TRMT44: variants seen among roughly 807,000 people sequenced by gnomAD.
TRMT44 encodes the protein probable tRNA (uracil-O(2)-)-methyltransferase.
A neutral mutation model predicts 77.3 loss-of-function variants in TRMT44; 78 were observed. The observed-to-expected ratio is 1.01, with a 90% CI of 0.84 to 1.22. The LOEUF is 1.22. Among genes scored for constraint, TRMT44 ranks in the 50% most tolerant of loss-of-function variants. The pLI, the probability that TRMT44 is intolerant of heterozygous loss-of-function variation, is 0.00. For missense variants in TRMT44, 1,090 were observed against 964.4 expected (o/e 1.13, Z -1.73); for synonymous variants, 391 against 383.3 (o/e 1.02, Z -0.23).
Position 8,449,949 on chromosome 4 carries a change from C to CTTTTCT in TRMT44, c.954+65_954+66insCTTTTT, listed in dbSNP as rs761311536. On this transcript the variant is annotated intron_variant, in intron 3 of 10. Coordinates refer to ENST00000389737, the MANE Select transcript of TRMT44 (RefSeq NM_152544.3). ...TCATGATTTTCTTTTCTTTTCTTTT[C>CTTTTCT]TTTTTTTTTTTTTTTTTTTTTTTTT... 44 of 239,118 alleles carry CTTTTCT rather than the reference C, an allele frequency of 1.8e-4. 1 individual carries two copies. The highest frequency in any genetic ancestry group is 1.6e-3 in the African/African-American group (21 of 13,438). 14.8% of individuals were successfully genotyped at this position (239,118 alleles called of 1,614,324 possible).
intron 8 of TRMT44, 43 bp downstream of exon 8, chr4:8,465,604 T>G (rs760934398): frequency 6.5e-7 from 1 of 1,547,818 alleles, no homozygotes; most frequent in Non-Finnish European, 8.8e-7. Context: ...GTGTCGGTGT[T>G]CAGATGGAGA....
chr4:8,469,317 C>T (rs1364604717), intron 9 of TRMT44, among the ~76,000 whole-genome samples: 2 of 152,292 alleles, frequency 1.3e-5, no homozygotes, highest in Middle Eastern at 3.4e-3. Context: ...CACCAGGCAC[C>T]GTGGGGCCTC....
chr4:8,462,277 G>A (rs1726205079), intron 6 of TRMT44, among the ~76,000 whole-genome samples: 1 of 152,152 alleles, frequency 6.6e-6, no homozygotes, highest in Non-Finnish European at 1.5e-5. Context: ...CAGGTGAGAT[G>A]GCGCATGCCT....
chr4:8,478,507 CCT>C (rs1727501606), downstream of TRMT44: 1 of 152,696 alleles, frequency 6.5e-6, no homozygotes, highest in South Asian at 2.1e-4. Context: ...GCACTGTGCC[CCT>C]GTCCACAGGT....
Position 8,476,407 on chromosome 4 carries a change from C to G in TRMT44, c.*406C>G, listed in dbSNP as rs970800844. 5.0e-6 allele frequency: 1 copy of G among 198,922 alleles called. No homozygotes were observed. Among genetic ancestry groups the G allele is most frequent in the Non-Finnish European group, 1.0e-5 (1 of 96,230 alleles). The allele number at this position is 198,922 out of a possible 1,614,324, so 12.3% of individuals were successfully genotyped here. A position where few individuals can be genotyped will look rare whatever the true frequency, so the allele number is the denominator to read the frequency against. On this transcript the variant is annotated 3_prime_UTR_variant, in exon 11 of 11. Coordinates refer to ENST00000389737, the MANE Select transcript of TRMT44 (RefSeq NM_152544.3). The stretch of plus-strand genomic sequence containing the variant: ...GATGGGGCTCCTCGAGAAGTAAGAC[C>G]GTATCTGCCAGCGTTTCTCACCACA...
At position 8,444,371 on chromosome 4, in the gene TRMT44, G is replaced by A. The variant is rs1037680697; in HGVS notation, c.620-2105G>A. ...ACCTAGTATATGATAGTCTAACAGG[G>A]GGATTATAATGAATAATAACTTAAT... On this transcript the variant is annotated intron_variant, in intron 1 of 10. Coordinates refer to ENST00000389737, the MANE Select transcript of TRMT44 (RefSeq NM_152544.3). This position sits in a 1 kb window ranked among gnomAD's most constrained non-coding sequence, Gnocchi z 4.0. Among the ~76,000 whole-genome samples, 1 of 152,000 alleles carries A rather than the reference G, an allele frequency of 6.6e-6. No individual in the cohort carries two copies. Among genetic ancestry groups the A allele is most frequent in the Non-Finnish European group, 1.5e-5 (1 of 67,988 alleles).
chr4:8,500,961 G>A, the TRMT44 span, among the ~76,000 whole-genome samples: 3 of 152,176 alleles, frequency 2.0e-5, no homozygotes, highest in African/African-American at 7.2e-5. Context: ...GTGATGCTGG[G>A]ACCCCCACCC....
At chr4:8,509,245 C>T in the TRMT44 span, 1 of 152,322 alleles carries the variant, frequency 6.6e-6, no homozygotes, top group Non-Finnish European at 1.5e-5. Context: ...GGAGGGAGTC[C>T]ACTGCAGAAA....
chr4:8,481,241 C>T (rs1727601526), downstream of TRMT44, among the ~76,000 whole-genome samples: 3 of 152,208 alleles, frequency 2.0e-5, no homozygotes, highest in South Asian at 2.1e-4. Flanking sequence ...GGAAGCTTCC[C>T]TCCCCTGCTC....
At chr4:8,494,184 C>G (rs758144559), downstream of TRMT44, among the ~76,000 whole-genome samples, 8 of 151,968 alleles carry the variant, frequency 5.3e-5, no homozygotes, top group Non-Finnish European at 1.2e-4. Context: ...ACCTCCCATT[C>G]TATTCCTAAA....
intron 2 of TRMT44, among the ~76,000 whole-genome samples, chr4:8,487,218 AAAT>A (rs1214688807): frequency 6.6e-6 from 1 of 152,152 alleles, no homozygotes; most frequent in Non-Finnish European, 1.5e-5. Flanking sequence ...TTGCAGAAGA[AAAT>A]AAGGCATTTA....
chr4:8,501,600 G>A, the TRMT44 span, among the ~76,000 whole-genome samples: 16 of 152,194 alleles, frequency 1.1e-4, no homozygotes, highest in Admixed American at 3.3e-4. The surrounding 1 kb of genome is among the most constrained non-coding windows in gnomAD (Gnocchi z 4.4). Context: ...TTTCACACAA[G>A]GGCCTTCTCA....
At chr4:8,454,378 A>T (rs1447322488) in intron 5 of TRMT44, 2 of 232,202 alleles carry the variant, frequency 8.6e-6, no homozygotes, top group Non-Finnish European at 1.7e-5. Flanking sequence ...ATGAATGCTA[A>T]TGACACACTT....
Position 8,451,193 on chromosome 4 carries a change from G to C in TRMT44, c.955-767G>C, listed in dbSNP as rs910919749. On this transcript the variant is annotated intron_variant, in intron 3 of 10. Transcript: ENST00000389737. The surrounding 1 kb of genome is among the most constrained non-coding windows in gnomAD (Gnocchi z 4.1). The stretch of plus-strand genomic sequence containing the variant: ...GGGTCCCCGGGGTTGGCTGACTGAG[G>C]CTGGGCTCCCTCCCACATCCTGGCC... Among the ~76,000 whole-genome samples, 2 of 152,064 alleles carry C rather than the reference G, an allele frequency of 1.3e-5. No individual in the cohort carries two copies. The highest frequency in any genetic ancestry group is 4.8e-5 in the African/African-American group (2 of 41,404).
intron 3 of TRMT44, among the ~76,000 whole-genome samples, chr4:8,450,931 G>A (rs1725410095): frequency 6.6e-6 from 1 of 151,460 alleles, no homozygotes; most frequent in Non-Finnish European, 1.5e-5. Context: ...ACCACAGGCA[G>A]ATGCTACCAT....
rs934734831 is a variant in TRMT44, at chr4:8,465,435, A to G, written c.1368A>G (p.Gly456=). Reference sequence around the variant, plus strand: ...CCTGCTGCTTCTTTGACTTCATTGGAAGATACTCCCGGAGGCAGAGTAAGA... The same window carrying G: ...CCTGCTGCTTCTTTGACTTCATTGGGAGATACTCCCGGAGGCAGAGTAAGA... ...VLPCCFFDFI[G]RYSRRQSKKT... is the part of the protein sequence containing the mutation. Residue 456 remains glycine, a synonymous_variant, in exon 8 of 11, where the codon GGA becomes GGG. Transcript: ENST00000389737. 3 of 1,613,824 alleles carry G rather than the reference A, an allele frequency of 1.9e-6. No individual in the cohort carries two copies. In the African/African-American group the frequency reaches 4.0e-5, roughly 22 times the overall value.
intron 1 of TRMT44, among the ~76,000 whole-genome samples, chr4:8,445,067 C>T (rs768429930): frequency 4.6e-5 from 7 of 152,084 alleles, no homozygotes; most frequent in Non-Finnish European, 8.8e-5. Context: ...AGTTATCCAG[C>T]CACACATGCC....
intron 9 of TRMT44, 155 bp from the exon 10 acceptor site, chr4:8,470,927 GGT>G: frequency 1.7e-6 from 1 of 585,724 alleles, no homozygotes; most frequent in Non-Finnish European, 3.1e-6. Context: ...GGTTTGGTGC[GGT>G]GTGGTGTGGG....
In TRMT44 at chr4:8,468,206, A is replaced by G. The variant is rs1025484007; in HGVS notation, c.1787A>G (p.Glu596Gly). The G allele has an allele frequency of 1.2e-6, 2 of 1,614,238 alleles. No homozygotes were observed. The highest frequency in any genetic ancestry group is 1.7e-6 in the Non-Finnish European group (2 of 1,180,040). Residue 596 changes from glutamate to glycine, a missense_variant, in exon 9 of 11, where the codon GAG becomes GGG. Physicochemically the swap from Glu to Gly is moderately conservative, Grantham distance 98. Coordinates refer to ENST00000389737, the MANE Select transcript of TRMT44 (RefSeq NM_152544.3). ...LPGFHPREKAERVRNCAALPR... is the reference protein window; with the variant it reads ...LPGFHPREKAGRVRNCAALPR... The stretch of plus-strand genomic sequence containing the variant: ...GGATTTCATCCCAGAGAAAAGGCTG[A>G]GCGTGTGAGGAACTGTGCCGCCCTG...
Sources: gnomAD v4.1 joint callset for allele counts (sites outside exome capture counted in the v4.1 genomes callset) on GRCh38, gnomAD v4.1.1 for gene constraint, Gnocchi (gnomAD v3.1) non-coding constraint, MANE v1.5 for transcripts, NCBI Gene and HGNC (gene_info 2026-07-23, HGNC 2026-07-21) for gene names.